TMEM245: variants seen among roughly 807,000 people sequenced by gnomAD.
TMEM245 encodes protein CG-2.
A neutral mutation model predicts 101.2 loss-of-function variants in TMEM245; 69 were observed. The ratio of observed to expected loss-of-function variants is 0.68; its 90% confidence interval spans 0.56 to 0.83. TMEM245 has a LOEUF of 0.83. TMEM245 is among the 40% of genes least tolerant of loss of function. The pLI, the probability that TMEM245 is intolerant of heterozygous loss-of-function variation, is 0.00. For synonymous variants in TMEM245, 537 were observed against 449.8 expected, an observed-to-expected ratio of 1.19 and a Z score of -2.45; for missense variants, 1,075 against 1,092.8, an observed-to-expected ratio of 0.98 and a Z score of 0.23.
chr9:109,064,366 G>A (rs975979315), intron 10 of TMEM245, 111 bp downstream of exon 10: 20 of 879,166 alleles, frequency 2.3e-5, no homozygotes, highest in Non-Finnish European at 3.4e-5. Context: ...GTTTATTTAA[G>A]CCTATTTACT....
chr9:109,108,675 A>G, intron 1 of TMEM245, 105 bp from the exon 2 acceptor site: 3 of 706,248 alleles, frequency 4.2e-6, no homozygotes, highest in South Asian at 3.2e-5. Flanking sequence ...CTCTGGACAT[A>G]GCACAGAAAA....
chr9:109,032,625 T>G (rs1195623031), intron 17 of TMEM245, among the ~76,000 whole-genome samples: 1 of 151,170 alleles, frequency 6.6e-6, no homozygotes, highest in Non-Finnish European at 1.5e-5. Flanking sequence ...TGACTTCAGG[T>G]GATTTGCCCA....
At chr9:109,073,116 A>G in intron 9 of TMEM245, 1 of 481,540 alleles carries the variant, frequency 2.1e-6, no homozygotes, top group South Asian at 2.5e-5. Context: ...AACATGCTGT[A>G]AACCTCAATT....
At chr9:109,056,818 G>T (rs1238806893) in intron 12 of TMEM245, among the ~76,000 whole-genome samples, 1 of 152,154 alleles carries the variant, frequency 6.6e-6, no homozygotes, top group African/African-American at 2.4e-5. Context: ...GATGATGCAT[G>T]GTAGGAGGTT....
intron 5 of TMEM245, 148 bp downstream of exon 5, chr9:109,090,774 G>T: frequency 1.5e-6 from 1 of 678,922 alleles, no homozygotes; most frequent in Non-Finnish European, 2.4e-6. Flanking sequence ...TTAACCAAAT[G>T]GTGTTTGTTT....
chr9:109,043,424 T>G (rs1019563143), intron 14 of TMEM245, among the ~76,000 whole-genome samples: 2 of 152,186 alleles, frequency 1.3e-5, no homozygotes, highest in Non-Finnish European at 2.9e-5. Flanking sequence ...ACAGAACACT[T>G]ACATCAAGTT....
intron 17 of TMEM245, among the ~76,000 whole-genome samples, chr9:109,030,777 G>A (rs1252350488): frequency 6.6e-6 from 1 of 152,140 alleles, no homozygotes; most frequent in East Asian, 1.9e-4. Flanking sequence ...ATCAACTAAG[G>A]ATCACGCATT....
At chr9:109,060,131 C>T (rs1273302566) in intron 11 of TMEM245, among the ~76,000 whole-genome samples, 1 of 152,190 alleles carries the variant, frequency 6.6e-6, no homozygotes, top group Non-Finnish European at 1.5e-5. Flanking sequence ...TCCGTGACAA[C>T]AGACTGAGGA....
At chr9:109,081,177 A>G (rs1829656185) in intron 7 of TMEM245, among the ~76,000 whole-genome samples, 1 of 152,178 alleles carries the variant, frequency 6.6e-6, no homozygotes, top group Non-Finnish European at 1.5e-5. Flanking sequence ...CGATTTCAAC[A>G]TAATCCATAT....
At chr9:109,047,641 G>A (rs529678852) in intron 14 of TMEM245, among the ~76,000 whole-genome samples, 1 of 152,346 alleles carries the variant, frequency 6.6e-6, no homozygotes, top group Non-Finnish European at 1.5e-5. Context: ...TTAGAGGATG[G>A]TCTGCTGTAA....
chr9:109,077,086 A>T (rs910340938), intron 8 of TMEM245, among the ~76,000 whole-genome samples: 1 of 150,404 alleles, frequency 6.6e-6, no homozygotes, highest in Non-Finnish European at 1.5e-5. Context: ...AATATTATAT[A>T]TATAATATAA....
intron 6 of TMEM245, 82 bp from the exon 7 acceptor site, chr9:109,086,102 A>G: frequency 6.8e-7 from 1 of 1,466,098 alleles, no homozygotes; most frequent in Non-Finnish European, 9.5e-7. Flanking sequence ...GTATGAAAAG[A>G]AAAGGAAAGC....
chr9:109,093,817 T>C (rs1049455723), intron 3 of TMEM245, among the ~76,000 whole-genome samples: 4 of 152,210 alleles, frequency 2.6e-5, no homozygotes, highest in Non-Finnish European at 5.9e-5. Context: ...GGGAACTTAA[T>C]GCTGGTGGAT....
chr9:109,116,309 G>A (rs1391218551), intron 1 of TMEM245, among the ~76,000 whole-genome samples: 1 of 152,202 alleles, frequency 6.6e-6, no homozygotes, highest in East Asian at 1.9e-4. Context: ...GGATGGAAAA[G>A]GTCCAGAGTG....
chr9:109,042,785 C>CT (rs375150588), intron 14 of TMEM245, among the ~76,000 whole-genome samples: 11 of 147,902 alleles, frequency 7.4e-5, no homozygotes, highest in South Asian at 2.2e-4. Context: ...CTTATAAGAA[C>CT]TTTTTTTTTA....
intron 7 of TMEM245, among the ~76,000 whole-genome samples, chr9:109,082,725 TTGAG>T (rs1257518023): frequency 3.3e-5 from 5 of 152,136 alleles, no homozygotes; most frequent in African/African-American, 9.7e-5. Context: ...AGAAACATGT[TTGAG>T]TATTTTTAAC....
intron 12 of TMEM245, 49 bp downstream of exon 12, chr9:109,057,142 G>A (rs1282210104): frequency 1.3e-6 from 2 of 1,589,960 alleles, no homozygotes; most frequent in South Asian, 2.3e-5. Context: ...TGGAATTACA[G>A]TTTGTTTTTA....
intron 3 of TMEM245, among the ~76,000 whole-genome samples, chr9:109,098,183 G>A (rs1830191233): frequency 6.6e-6 from 1 of 152,146 alleles, no homozygotes; most frequent in South Asian, 2.1e-4. Context: ...AGTAGGCACT[G>A]AAAGATTCGA....
intron 3 of TMEM245, among the ~76,000 whole-genome samples, chr9:109,099,032 C>T (rs749967996): frequency 6.6e-6 from 1 of 152,200 alleles, no homozygotes; most frequent in African/African-American, 2.4e-5. Flanking sequence ...CCACTCCATT[C>T]TTTTTCACAG....
Sources: gnomAD v4.1 joint callset for allele counts (sites outside exome capture counted in the v4.1 genomes callset) on GRCh38, gnomAD v4.1.1 for gene constraint, MANE v1.5 for transcripts, NCBI Gene and HGNC (gene_info 2026-07-23, HGNC 2026-07-21) for gene names.